The following GGA3 variants were observed in gnomAD, a reference collection of about 807,000 sequenced individuals.
GGA3 encodes ADP-ribosylation factor-binding protein GGA3.
GGA3 carries 57 observed loss-of-function variants against 77.5 expected under a neutral mutation model. The observed-to-expected ratio is 0.74, with a 90% CI of 0.59 to 0.92. The LOEUF is 0.92. Ranked by LOEUF, GGA3 falls within the 40% of genes least tolerant of loss-of-function variation. The pLI is 0.00. For synonymous variants in GGA3, 416 were observed against 383.7 expected, an observed-to-expected ratio of 1.08 and a Z score of -0.98; for missense variants, 970 against 914.9, an observed-to-expected ratio of 1.06 and a Z score of -0.78.
chr17:75,237,851 G>T lies in GGA3; in HGVS notation c.*428C>A. On this transcript the variant is annotated 3_prime_UTR_variant, in exon 17 of 17. Transcript: ENST00000537686. ...ACAGGGCTGCAGCCCCTTGGGCCGT[G>T]CATCTGTCAGGTGTGAGGATGTGGC... The T allele has an allele frequency of 7.1e-7, 1 of 1,409,956 alleles. No individual in the cohort carries two copies. Among genetic ancestry groups the T allele is most frequent in the Non-Finnish European group, 9.2e-7 (1 of 1,087,160 alleles). The allele number at this position is 1,409,956 out of a possible 1,614,324, so 87.3% of individuals were successfully genotyped here.
chr17:75,244,460 G>A, intron 4 of GGA3, 159 bp downstream of exon 4: 1 of 644,378 alleles, frequency 1.6e-6, no homozygotes, highest in Non-Finnish European at 2.8e-6. Context: ...TGGCCTGTTT[G>A]GTCATCCCGT....
At chr17:75,251,606 T>A (rs2076967940) in intron 1 of GGA3, among the ~76,000 whole-genome samples, 1 of 146,606 alleles carries the variant, frequency 6.8e-6, no homozygotes, top group Non-Finnish European at 1.5e-5. Flanking sequence ...CTTGGGAGGC[T>A]GAGGCAGGAG....
chr17:75,240,468 C>A, intron 11 of GGA3, 56 bp from the exon 12 acceptor site: 1 of 1,163,492 alleles, frequency 8.6e-7, no homozygotes, highest in Non-Finnish European at 1.3e-6. Flanking sequence ...GCAGCCCTAG[C>A]CCCGCCTTGC....
intron 1 of GGA3, among the ~76,000 whole-genome samples, chr17:75,252,675 T>C (rs1054583461): frequency 9.9e-5 from 15 of 152,202 alleles, no homozygotes; most frequent in African/African-American, 3.1e-4. Flanking sequence ...CTTGCACGTA[T>C]ACATCCAGAT....
At chr17:75,244,418 G>A (rs1015732147) in intron 4 of GGA3, 18 of 547,902 alleles carry the variant, frequency 3.3e-5, no homozygotes, top group Non-Finnish European at 5.3e-5. Flanking sequence ...GATTTGGGCT[G>A]AGGGCGCTTC....
At position 75,238,688 on chromosome 17, in the gene GGA3, G is replaced by A. The variant is rs144220299; in HGVS notation, c.2025C>T (p.Ala675=). Residue 675 remains alanine, a synonymous_variant, in exon 16 of 17, where the codon GCC becomes GCT. Transcript: ENST00000537686. ...SPFSPIQPPA[A]ITQVMLLANP... The stretch of plus-strand genomic sequence containing the variant: ...TGGCCAGCAACATGACCTGGGTGAT[G>A]GCTGCAGGTGGCTGGATGGGGCTAA... 22 of 1,613,778 alleles carry A rather than the reference G, an allele frequency of 1.4e-5. No individual in the cohort carries two copies. Among genetic ancestry groups the A allele is most frequent in the East Asian group, 2.2e-5 (1 of 44,894 alleles).
chr17:75,242,728 C>T, intron 7 of GGA3, 103 bp downstream of exon 7: 2 of 1,051,040 alleles, frequency 1.9e-6, no homozygotes, highest in Non-Finnish European at 1.5e-6. Flanking sequence ...GGGCAGCTGG[C>T]AGCAGGGGAG....
chr17:75,243,028 G>A (rs375365159), intron 6 of GGA3, 35 bp downstream of exon 6: 102 of 1,546,362 alleles, frequency 6.6e-5, no homozygotes, highest in Middle Eastern at 3.4e-4. Flanking sequence ...ACCCACTCTC[G>A]TATGAGAAAA....
At chr17:75,241,330 C>T in intron 10 of GGA3, 70 bp downstream of exon 10, 1 of 1,010,510 alleles carries the variant, frequency 9.9e-7, no homozygotes, top group South Asian at 1.3e-5. Context: ...CCAGCCTACA[C>T]CCGCAGCTTC....
Position 75,237,369 on chromosome 17 carries a change from C to A in GGA3, c.*910G>T. Reference sequence around the variant, plus strand: ...CAGCCACAGGTGCCACACCACATGCCATCTGGTGAGAGGAGAGGGAGGCCA... The same window carrying A: ...CAGCCACAGGTGCCACACCACATGCAATCTGGTGAGAGGAGAGGGAGGCCA... On this transcript the variant is annotated 3_prime_UTR_variant, in exon 17 of 17. Coordinates refer to ENST00000537686, the MANE Select transcript of GGA3 (RefSeq NM_138619.4). 1 of 950,416 alleles carries A rather than the reference C, an allele frequency of 1.1e-6. No individual in the cohort carries two copies. The highest frequency in any genetic ancestry group is 1.4e-5 in the South Asian group (1 of 71,746). 58.9% of individuals were successfully genotyped at this position (950,416 alleles called of 1,614,324 possible). A position where few individuals can be genotyped will look rare whatever the true frequency, so the allele number is the denominator to read the frequency against.
chr17:75,242,768 C>T (rs2076606923), intron 7 of GGA3, 63 bp downstream of exon 7: 22 of 1,332,618 alleles, frequency 1.7e-5, no homozygotes, highest in Non-Finnish European at 2.1e-5. Flanking sequence ...CGGGGCAAAG[C>T]GGCTTCTGCT....
At chr17:75,249,203 G>A (rs1407727509) in intron 1 of GGA3, among the ~76,000 whole-genome samples, 1 of 150,788 alleles carries the variant, frequency 6.6e-6, no homozygotes, top group Non-Finnish European at 1.5e-5. Flanking sequence ...GCGCCACTAT[G>A]CCTGGCTACT....
chr17:75,239,995 A>G lies in GGA3; in HGVS notation c.1377T>C (p.Ala459=), dbSNP rs1472438234. 6.4e-7 allele frequency: 1 copy of G among 1,554,934 alleles called. No individual in the cohort carries two copies. The highest frequency in any genetic ancestry group is 1.2e-5 in the South Asian group (1 of 84,692). The part of the protein sequence containing the change: ...PSAPSSSSSQ[A]PLPPPFPAPV... ...GAGCTGGGAAGGGAGGCGGCAGTGG[A>G]GCTTGGGAGCTGCTTGAGGAGGGGG... The change falls in exon 13 of 17, where the codon GCT becomes GCC. Residue 459 remains alanine, a synonymous_variant. Transcript: ENST00000537686.
At position 75,238,994 on chromosome 17, in the gene GGA3, C is replaced by T. The variant is rs762124045; in HGVS notation, c.1870G>A (p.Val624Met). ...AGCATGGACACCACCACCACCAGCA[C>T]GTCAGGTCGTCCTGGGGGACACTCC... is the stretch of plus-strand genomic sequence containing the variant. ...AKECPPGRPD[V>M]LVVVVSMLNT... Residue 624 changes from valine (V) to methionine (M), a missense_variant, in exon 15 of 17, where the codon GTG becomes ATG. Val to Met is a conservative substitution (Grantham distance 21). Transcript: ENST00000537686. 3.1e-6 allele frequency: 5 copies of T among 1,613,996 alleles called. No individual in the cohort carries two copies. The highest frequency in any genetic ancestry group is 1.6e-4 in the Middle Eastern group (1 of 6,084).
At chr17:75,248,468 CAAAAAAAAAAAAA>C (rs59182526) in intron 1 of GGA3, among the ~76,000 whole-genome samples, 3 of 19,758 alleles carry the variant, frequency 1.5e-4, no homozygotes, top group African/African-American at 3.7e-4. Context: ...GACTCCGTCT[CAAAAAAAAAAAAA>C]AAAAAAAAAA....
chr17:75,240,261 C>T, intron 12 of GGA3, 81 bp downstream of exon 12: 1 of 1,180,176 alleles, frequency 8.5e-7, no homozygotes, highest in Non-Finnish European at 1.2e-6. Context: ...GGAAGGACAG[C>T]TAACTGCAGC....
chr17:75,242,569 C>T (rs536352223), intron 7 of GGA3, 96 bp from the exon 8 acceptor site: 55 of 1,432,748 alleles, frequency 3.8e-5, no homozygotes, highest in African/African-American at 2.5e-4. Context: ...CAAGTACAGA[C>T]GCTCGGAAGC....
chr17:75,238,480 G>T (rs765353361), intron 16 of GGA3, 91 bp from the exon 17 acceptor site: 1 of 1,196,634 alleles, frequency 8.4e-7, no homozygotes, highest in South Asian at 1.3e-5. Flanking sequence ...CTAGAGGAAT[G>T]GTCCCTTTTC....
At position 75,244,729 on chromosome 17, in the gene GGA3, C is replaced by T. The variant is rs774620170; in HGVS notation, c.202-12G>A. On this transcript the variant is annotated splice_polypyrimidine_tract_variant and intron_variant, in intron 3 of 16. Coordinates refer to ENST00000537686, the MANE Select transcript of GGA3 (RefSeq NM_138619.4). The stretch of plus-strand genomic sequence containing the variant: ...CATGCCTCCAGCACCTGTAGCCGCA[C>T]AGAGGAGAGGCGCTCAGTGAGGGCG... The T allele has an allele frequency of 3.7e-6, 6 of 1,600,444 alleles. No homozygotes were observed. The South Asian group carries it at 5.5e-5, about 15-fold the overall frequency.
Sources: gnomAD v4.1 joint callset for allele counts (sites outside exome capture counted in the v4.1 genomes callset) on GRCh38, gnomAD v4.1.1 for gene constraint, MANE v1.5 for transcripts, NCBI Gene and HGNC (gene_info 2026-07-23, HGNC 2026-07-21) for gene names.